BAHCC1: variants seen among roughly 807,000 people sequenced by gnomAD.
The protein encoded by BAHCC1 is BAH and coiled-coil domain-containing protein 1.
In BAHCC1, 43 loss-of-function variants were observed where a neutral mutation model predicts 88.2. That is an observed-to-expected ratio of 0.49 (90% CI 0.38 to 0.63). The LOEUF is 0.63. Among genes scored for constraint, BAHCC1 ranks in the 20% least tolerant of loss-of-function variants. BAHCC1 has a pLI of 0.00. For missense variants in BAHCC1, 3,023 were observed against 1,654.8 expected, an observed-to-expected ratio of 1.83 and a Z score of -14.34; for synonymous variants, 1,510 against 745.5, an observed-to-expected ratio of 2.03 and a Z score of -16.71.
intron 2 of BAHCC1, among the ~76,000 whole-genome samples, chr17:81,426,451 T>TAGTG (rs879097937): frequency 0.37 from 20,484 of 54,978 alleles, 3,041 homozygotes; most frequent in African/African-American, 0.56. Context: ...TTGGGGGTGA[T>TAGTG]GTGGGTGATG....
rs782165284 is a variant in BAHCC1, at chr17:81,458,435, G to C, written c.5312G>C (p.Arg1771Pro). 8.1e-6 allele frequency: 6 copies of C among 737,330 alleles called. No individual in the cohort carries two copies. In the African/African-American group the frequency reaches 1.0e-4, roughly 13 times the overall value. 45.7% of individuals were successfully genotyped at this position (737,330 alleles called of 1,614,324 possible). A position where few individuals can be genotyped will look rare whatever the true frequency, so the allele number is the denominator to read the frequency against. Residue 1771 changes from arginine (R) to proline (P), a missense_variant, in exon 18 of 28, where the codon CGC becomes CCC. Transcript: ENST00000675386. The part of the protein sequence containing the change: ...LASERLKRAT[R>P]KGTVLQPVLR... ...AGTGAGCGCCTCAAGAGGGCCACGCGCAAGGGCACAGTGCTGCAGCCAGTG... is the reference window on the plus strand; with the variant it reads ...AGTGAGCGCCTCAAGAGGGCCACGCCCAAGGGCACAGTGCTGCAGCCAGTG...
At position 81,441,955 on chromosome 17, in the gene BAHCC1, G is replaced by C. The variant is rs782589241; in HGVS notation, c.606G>C (p.Arg202=). 4 of 748,156 alleles carry C rather than the reference G, an allele frequency of 5.3e-6. No individual in the cohort carries two copies. In the South Asian group the frequency reaches 5.6e-5, roughly 10 times the overall value. The allele number at this position is 748,156 out of a possible 1,614,324, so 46.3% of individuals were successfully genotyped here. ...PMGSCSRDRD[R]GEAGSLQKGP... ...GCTCCTGCAGCCGGGATCGAGACCG[G>C]GGTGAGGCAGGCTCCCTGCAGAAGG... The change falls in exon 5 of 28, where the codon CGG becomes CGC. Residue 202 remains arginine (R), a synonymous_variant. Coordinates refer to ENST00000675386, the MANE Select transcript of BAHCC1 (RefSeq NM_001377448.1).
chr17:81,460,311 A>G lies in BAHCC1; in HGVS notation c.5940A>G (p.Ser1980=). 2.6e-6 allele frequency: 2 copies of G among 776,576 alleles called. No homozygotes were observed. The highest frequency in any genetic ancestry group is 4.8e-6 in the Non-Finnish European group (2 of 416,422). 48.1% of individuals were successfully genotyped at this position (776,576 alleles called of 1,614,324 possible). A position where few individuals can be genotyped will look rare whatever the true frequency, so the allele number is the denominator to read the frequency against. ...ASGDEDEDLD[S]VVVEFDDGDT... ...GTGACGAAGATGAGGACCTGGACTC[A>G]GTAGTGGTGGAATTTGACGATGGGG... is the stretch of plus-strand genomic sequence containing the variant. Residue 1980 remains serine, a synonymous_variant, in exon 24 of 28, where the codon TCA becomes TCG. Transcript: ENST00000675386.
rs1555659202 is a variant in BAHCC1 at position 81,461,172 on chromosome 17, G to C, written c.6509G>C (p.Gly2170Ala). The change falls in exon 26 of 28, where the codon GGG (glycine) becomes GCG (alanine). Residue 2170 changes from glycine (G) to alanine (A), a missense_variant. By Grantham distance (60) the Gly-to-Ala change is moderately conservative (BLOSUM62 0). Transcript: ENST00000675386. ...SLASSYAPFV[G>A]GTGPGLPRGA... is the part of the protein sequence containing the mutation. ...GCCAGCTCCTACGCGCCCTTCGTCG[G>C]GGGGACCGGGCCGGGCCTCCCCAGG... The C allele has an allele frequency of 5.3e-6, 4 of 752,220 alleles. No individual in the cohort carries two copies. The highest frequency in any genetic ancestry group is 5.0e-5 in the East Asian group (2 of 40,072). 46.6% of individuals were successfully genotyped at this position (752,220 alleles called of 1,614,324 possible).
At chr17:81,462,329 C>T (rs1217464227) in intron 26 of BAHCC1, among the ~76,000 whole-genome samples, 1 of 152,220 alleles carries the variant, frequency 6.6e-6, no homozygotes. Context: ...CACTTTTCCA[C>T]GTTGATAAGT....
chr17:81,427,675 C>T (rs1269128522), intron 3 of BAHCC1, among the ~76,000 whole-genome samples: 1 of 152,214 alleles, frequency 6.6e-6, no homozygotes, highest in African/African-American at 2.4e-5. Context: ...CCCACAGTTG[C>T]TGGTATTCCC....
At position 81,456,408 on chromosome 17, in the gene BAHCC1, C is replaced by T. The variant is rs1375171687; in HGVS notation, c.4681C>T (p.Leu1561Phe). 1 of 722,394 alleles carries T rather than the reference C, an allele frequency of 1.4e-6. No homozygotes were observed. The highest frequency in any genetic ancestry group is 1.7e-5 in the African/African-American group (1 of 57,462). The allele number at this position is 722,394 out of a possible 1,614,324, so 44.7% of individuals were successfully genotyped here. Residue 1561 changes from leucine to phenylalanine, a missense_variant, in exon 16 of 28, where the codon CTC becomes TTC. Coordinates refer to ENST00000675386, the MANE Select transcript of BAHCC1 (RefSeq NM_001377448.1). ...KVKSKGLPTG[L>F]SSFQQKEATP... ...CAAGAGCAAAGGGCTGCCCACAGGC[C>T]TCAGCTCTTTCCAGCAGAAGGAGGC...
At chr17:81,397,639 G>A (rs1427622640) in intron 1 of BAHCC1, among the ~76,000 whole-genome samples, 1 of 152,004 alleles carries the variant, frequency 6.6e-6, no homozygotes, top group African/African-American at 2.4e-5. Flanking sequence ...AGTCCAGCCC[G>A]GGCAGCCCCT....
rs1016531550 is a variant in BAHCC1 at position 81,437,267 on chromosome 17, C to T, written c.359-1103C>T. Among the ~76,000 whole-genome samples the T allele has an allele frequency of 5.9e-5, 9 of 152,386 alleles. No individual in the cohort carries two copies. In the East Asian group the frequency reaches 1.3e-3, roughly 23 times the overall value. On this transcript the variant is annotated intron_variant, in intron 3 of 27. Coordinates refer to ENST00000675386, the MANE Select transcript of BAHCC1 (RefSeq NM_001377448.1). Reference sequence around the variant, plus strand: ...TGCCAGACCCCCAACCACAGCCAGCCGCTCGGCCCTCACGTTCAGGCAGCT... The same window carrying T: ...TGCCAGACCCCCAACCACAGCCAGCTGCTCGGCCCTCACGTTCAGGCAGCT...
chr17:81,427,890 G>A (rs1232832270), intron 3 of BAHCC1, among the ~76,000 whole-genome samples: 18 of 152,242 alleles, frequency 1.2e-4, no homozygotes, highest in African/African-American at 2.9e-4. Context: ...CCACCGCCCC[G>A]TTCCAGGCAG....
intron 26 of BAHCC1, 100 bp from the exon 27 acceptor site, chr17:81,462,640 T>C (rs2030402848): frequency 3.1e-6 from 2 of 655,388 alleles, no homozygotes; most frequent in Admixed American, 2.5e-5. Context: ...ACACTCAGAC[T>C]CACACTCACA....
intron 27 of BAHCC1, among the ~76,000 whole-genome samples, 165 bp downstream of exon 27, chr17:81,463,141 C>A (rs146728709): frequency 2.6e-4 from 40 of 152,280 alleles, no homozygotes; most frequent in African/African-American, 8.7e-4. Flanking sequence ...CATGGGCATG[C>A]CCTAGAGCAG....
chr17:81,422,300 C>T (rs962097819), intron 2 of BAHCC1, among the ~76,000 whole-genome samples: 3 of 152,200 alleles, frequency 2.0e-5, no homozygotes, highest in African/African-American at 4.8e-5. Flanking sequence ...CGTGAGCCAC[C>T]GTGTCTGGTC....
intron 8 of BAHCC1, 80 bp downstream of exon 8, chr17:81,444,906 C>A: frequency 1.4e-6 from 1 of 703,276 alleles, no homozygotes. Flanking sequence ...CTGGCCAGGG[C>A]TCAGGAGGGA....
intron 16 of BAHCC1, 128 bp downstream of exon 16, chr17:81,456,713 C>T (rs937279414): frequency 3.4e-6 from 2 of 587,758 alleles, no homozygotes; most frequent in East Asian, 2.9e-5. Flanking sequence ...GTGACAGGTC[C>T]AAGGAGACGT....
At chr17:81,423,389 T>C (rs943239622) in intron 2 of BAHCC1, among the ~76,000 whole-genome samples, 3 of 150,080 alleles carry the variant, frequency 2.0e-5, no homozygotes, top group South Asian at 2.2e-4. Flanking sequence ...AGTCACCTCA[T>C]GTCTGGGAAG....
chr17:81,408,272 G>C (rs2063905707), intron 2 of BAHCC1, among the ~76,000 whole-genome samples: 1 of 152,138 alleles, frequency 6.6e-6, no homozygotes, highest in South Asian at 2.1e-4. Flanking sequence ...TGGTTGTCCT[G>C]GAAGCCGCTG....
chr17:81,451,885 C>A lies in BAHCC1; in HGVS notation c.4179+15C>A. The A allele has an allele frequency of 1.4e-6, 1 of 714,648 alleles. No individual in the cohort carries two copies. Among genetic ancestry groups the A allele is most frequent in the East Asian group, 2.6e-5 (1 of 38,550 alleles). 44.3% of individuals were successfully genotyped at this position (714,648 alleles called of 1,614,324 possible). Reference sequence around the variant, plus strand: ...AGACCAAGCCTGTGAGTGGAGGTCCCAGTGCCCACGTCGCCCAGTGCGTTG... The same window carrying A: ...AGACCAAGCCTGTGAGTGGAGGTCCAAGTGCCCACGTCGCCCAGTGCGTTG... On this transcript the variant is annotated intron_variant, in intron 12 of 27. Coordinates refer to ENST00000675386, the MANE Select transcript of BAHCC1 (RefSeq NM_001377448.1).
chr17:81,446,687 C>T (rs1167639223), intron 10 of BAHCC1: 6 of 426,030 alleles, frequency 1.4e-5, no homozygotes, highest in Non-Finnish European at 2.9e-5. Context: ...TAGCTTGGAC[C>T]ACAGGCATGC....
Sources: gnomAD v4.1 joint callset for allele counts (sites outside exome capture counted in the v4.1 genomes callset) on GRCh38, gnomAD v4.1.1 for gene constraint, MANE v1.5 for transcripts, NCBI Gene and HGNC (gene_info 2026-07-23, HGNC 2026-07-21) for gene names.